FMN1: variants seen among roughly 807,000 people sequenced by gnomAD.
The protein encoded by FMN1 is formin-1.
FMN1 carries 110 observed loss-of-function variants against 132.4 expected under a neutral mutation model. That is an observed-to-expected ratio of 0.83 (90% CI 0.71 to 0.97). The LOEUF (loss-of-function observed/expected upper bound fraction) is 0.97. FMN1 is among the 50% of genes least tolerant of loss of function. The pLI is 0.00. For missense variants in FMN1, 1,792 were observed against 1,705.3 expected (o/e 1.05, Z -0.90); for synonymous variants, 722 against 651.7 (o/e 1.11, Z -1.64).
intron 16 of FMN1, among the ~76,000 whole-genome samples, chr15:32,872,027 C>T (rs894277294): frequency 2.0e-5 from 3 of 150,642 alleles, no homozygotes; most frequent in Non-Finnish European, 4.4e-5. Flanking sequence ...GAGGCCTGTG[C>T]ATGAAAGTAG....
chr15:32,987,975 G>C (rs1204769549), intron 7 of FMN1, among the ~76,000 whole-genome samples: 1 of 151,488 alleles, frequency 6.6e-6, no homozygotes, highest in Non-Finnish European at 1.5e-5. Context: ...TTTGCTTTGG[G>C]TAGTGCCTCG....
At chr15:33,070,304 C>T (rs963519439) in intron 5 of FMN1, among the ~76,000 whole-genome samples, 2 of 151,506 alleles carry the variant, frequency 1.3e-5, no homozygotes, top group Non-Finnish European at 2.9e-5. Context: ...CGCGCCCGGC[C>T]TAAGATCAGT....
intron 10 of FMN1, among the ~76,000 whole-genome samples, chr15:32,922,181 T>C (rs1343048242): frequency 6.6e-6 from 1 of 152,154 alleles, no homozygotes; most frequent in African/African-American, 2.4e-5. Flanking sequence ...TGTGCTGTTG[T>C]AGTCATGACA....
At chr15:32,897,694 T>C (rs775685674) in intron 15 of FMN1, among the ~76,000 whole-genome samples, 1 of 152,218 alleles carries the variant, frequency 6.6e-6, no homozygotes, top group East Asian at 1.9e-4. Flanking sequence ...AGAAAAGCAA[T>C]AGGATCAGAG....
intron 6 of FMN1, 46 bp downstream of exon 6, chr15:33,064,911 G>A (rs1399388382): frequency 7.5e-7 from 1 of 1,328,412 alleles, no homozygotes; most frequent in East Asian, 2.3e-5. Flanking sequence ...AAAAGCCATT[G>A]CAGGAAGAGA....
intron 5 of FMN1, among the ~76,000 whole-genome samples, chr15:33,076,184 G>C (rs2038200938): frequency 6.6e-6 from 1 of 152,156 alleles, no homozygotes; most frequent in African/African-American, 2.4e-5. Flanking sequence ...GAAGAGCTTT[G>C]AGCTTTCCCA....
chr15:32,783,446 T>C (rs935520840), intron 19 of FMN1, among the ~76,000 whole-genome samples: 5 of 152,060 alleles, frequency 3.3e-5, no homozygotes, highest in East Asian at 3.9e-4. Context: ...CTTGACTCTG[T>C]AGAAGTTGAC....
At chr15:32,999,436 A>G (rs148283072) in intron 7 of FMN1, among the ~76,000 whole-genome samples, 1 of 152,248 alleles carries the variant, frequency 6.6e-6, no homozygotes, top group Non-Finnish European at 1.5e-5. Context: ...GAGGAAGTCT[A>G]CAAGTCTTAA....
chr15:32,915,155 T>C (rs1369423898), intron 10 of FMN1, among the ~76,000 whole-genome samples: 3 of 152,074 alleles, frequency 2.0e-5, no homozygotes, highest in Admixed American at 2.0e-4. Context: ...CAGCCAGAAG[T>C]CTGAAAAATA....
chr15:33,194,473 C>T (rs1337214789), intron 1 of FMN1, 105 bp downstream of exon 1: 1 of 152,502 alleles, frequency 6.6e-6, no homozygotes, highest in Non-Finnish European at 1.5e-5. Flanking sequence ...CTTGATGCCT[C>T]ATTCCAAGAA....
intron 17 of FMN1, among the ~76,000 whole-genome samples, chr15:32,851,839 A>G (rs2059016752): frequency 6.6e-6 from 1 of 152,236 alleles, no homozygotes; most frequent in Admixed American, 6.5e-5. Context: ...ATTGCAGCTG[A>G]TATAAAAATA....
At chr15:33,029,385 GGA>G (rs991840345) in intron 6 of FMN1, among the ~76,000 whole-genome samples, 18 of 151,966 alleles carry the variant, frequency 1.2e-4, no homozygotes, top group Non-Finnish European at 1.8e-4. Context: ...CAGGGTAAAG[GGA>G]GAGAGAGAGA....
chr15:33,183,716 A>AT (rs1297874882), intron 2 of FMN1, among the ~76,000 whole-genome samples: 1 of 152,350 alleles, frequency 6.6e-6, no homozygotes, highest in African/African-American at 2.4e-5. Flanking sequence ...CACTAAATTC[A>AT]TTTAAGCATA....
At position 33,153,150 on chromosome 15, in the gene FMN1, A is replaced by C. The variant is rs1466193237; in HGVS notation, c.1765T>G (p.Phe589Val). Residue 589 changes from phenylalanine (F) to valine (V), a missense_variant, in exon 4 of 21, where the codon TTC (phenylalanine) becomes GTC (valine). By Grantham distance (50) the Phe-to-Val change is conservative (BLOSUM62 -1). This residue lies in a region of FMN1 where 1,150 missense variants were observed against 1,043.1 expected (regional missense o/e 1.10). Coordinates refer to ENST00000616417, the MANE Select transcript of FMN1 (RefSeq NM_001277313.2). ...AACCGAGGTTGGCCTGCTCTGAGGA[A>C]GGCCGGGCTGGCTCCTTTGGTCTCC... is the stretch of plus-strand genomic sequence containing the variant. ...VTETKGASPA[F>V]LRAGQPRLVP... is the part of the protein sequence containing the mutation. 6.5e-7 allele frequency: 1 copy of C among 1,536,022 alleles called. No individual in the cohort carries two copies. The highest frequency in any genetic ancestry group is 1.4e-5 in the African/African-American group (1 of 73,054).
intron 17 of FMN1, among the ~76,000 whole-genome samples, chr15:32,822,347 CACAAACAA>C (rs141916370): frequency 6.6e-6 from 1 of 152,076 alleles, no homozygotes; most frequent in African/African-American, 2.4e-5. Context: ...GAGAGTCTGT[CACAAACAA>C]ACAAACAAAC....
intron 3 of FMN1, among the ~76,000 whole-genome samples, chr15:33,161,872 C>T (rs1343286803): frequency 6.6e-6 from 1 of 151,112 alleles, no homozygotes; most frequent in African/African-American, 2.4e-5. Flanking sequence ...GAGACGAGAT[C>T]GTGCCACTGC....
At chr15:32,924,719 A>G (rs567854036) in intron 10 of FMN1, among the ~76,000 whole-genome samples, 1 of 152,356 alleles carries the variant, frequency 6.6e-6, no homozygotes, top group South Asian at 2.1e-4. Context: ...CAGGAGTTCG[A>G]GACCAGTCTG....
intron 20 of FMN1, 125 bp downstream of exon 20, chr15:32,776,710 A>G (rs2056430488): frequency 3.7e-6 from 2 of 535,680 alleles, no homozygotes. Flanking sequence ...TTTTTTAACC[A>G]TATGCTACTC....
At chr15:32,875,598 G>A (rs142328841) in intron 16 of FMN1, among the ~76,000 whole-genome samples, 1,606 of 152,250 alleles carry the variant, frequency 0.011, 17 homozygotes, top group Non-Finnish European at 0.016. Flanking sequence ...TAGGAGCCAC[G>A]CTGAGGTTGA....
Sources: gnomAD v4.1 joint callset for allele counts (sites outside exome capture counted in the v4.1 genomes callset) on GRCh38, gnomAD v4.1.1 for gene constraint, gnomAD v4.1.1 regional missense constraint, MANE v1.5 for transcripts, NCBI Gene and HGNC (gene_info 2026-07-23, HGNC 2026-07-21) for gene names.